Variants in GRIP1 observed in about 807,000 individuals in gnomAD.
GRIP1 encodes the protein glutamate receptor-interacting protein 1.
Under a neutral mutation model 129.9 loss-of-function variants are expected in GRIP1, and 45 were observed. The ratio of observed to expected loss-of-function variants is 0.35; its 90% CI spans 0.27 to 0.44. GRIP1 has a LOEUF of 0.44. GRIP1 is among the 20% of genes least tolerant of loss of function. The pLI, the probability that GRIP1 is intolerant of heterozygous loss-of-function variation, is 1.00. For synonymous variants in GRIP1, 530 were observed against 520.8 expected (o/e 1.02, Z -0.24); for missense variants, 1,196 against 1,396.8 (o/e 0.86, Z 2.29).
Position 66,640,281 on chromosome 12 carries a change from A to C in GRIP1, c.55+38569T>G, listed in dbSNP as rs1338959144. On this transcript the variant is annotated intron_variant, in intron 1 of 24. Coordinates refer to ENST00000359742, the MANE Select transcript of GRIP1 (RefSeq NM_001366722.1). Reference sequence around the variant, plus strand: ...CAGAATAGATACCAGGCCTGACTCTATCCCTCTAATTCCAAGCACATTACT... The same window carrying C: ...CAGAATAGATACCAGGCCTGACTCTCTCCCTCTAATTCCAAGCACATTACT... Among the ~76,000 whole-genome samples, 6 of 152,340 alleles carry C rather than the reference A, an allele frequency of 3.9e-5. No homozygotes were observed. The East Asian group carries it at 9.6e-4, about 24-fold the overall frequency.
intron 2 of GRIP1, among the ~76,000 whole-genome samples, chr12:66,576,702 AT>A (rs2063149803): frequency 6.6e-6 from 1 of 152,222 alleles, no homozygotes; most frequent in Non-Finnish European, 1.5e-5. Flanking sequence ...TACATAACAG[AT>A]GCTCACTAGT....
chr12:66,501,590 C>T (rs1304017824), intron 7 of GRIP1, among the ~76,000 whole-genome samples: 5 of 152,168 alleles, frequency 3.3e-5, no homozygotes, highest in Admixed American at 3.3e-4. Context: ...GCCTGCTACT[C>T]TTCTCAAAAG....
At chr12:66,555,770 A>G (rs1049147161) in intron 2 of GRIP1, among the ~76,000 whole-genome samples, 4 of 152,068 alleles carry the variant, frequency 2.6e-5, no homozygotes, top group Admixed American at 6.5e-5. Context: ...AAAACATGCA[A>G]TTGACGTACT....
chr12:66,764,431 A>G (rs1309607608), intron 1 of GRIP1, among the ~76,000 whole-genome samples: 3 of 152,226 alleles, frequency 2.0e-5, no homozygotes, highest in Non-Finnish European at 4.4e-5. Flanking sequence ...GATGTTTTCC[A>G]TAAGAGAAAG....
rs545121208 is a variant in GRIP1 at position 66,707,803 on chromosome 12, C to T, written c.-419-77467G>A. On this transcript the variant is annotated intron_variant, in intron 1 of 4. Coordinates refer to the GRIP1 transcript ENST00000538373. ...CCCATCTTTTGCTAGAACAAGGTCC[C>T]ATCAGTTTTAAAATGTTACATGTTA... Among the ~76,000 whole-genome samples the T allele has an allele frequency of 1.2e-4, 18 of 152,006 alleles. 1 individual carries two copies. The South Asian group carries it at 3.7e-3, about 32-fold the overall frequency.
intron 7 of GRIP1, among the ~76,000 whole-genome samples, chr12:66,465,787 C>A (rs1462452500): frequency 6.6e-6 from 1 of 151,746 alleles, no homozygotes; most frequent in Non-Finnish European, 1.5e-5. Context: ...TTACTTAATT[C>A]AATAAATATC....
At chr12:66,587,134 T>C (rs11176292) in intron 2 of GRIP1, among the ~76,000 whole-genome samples, 34,648 of 152,134 alleles carry the variant, frequency 0.23, 4,222 homozygotes, top group Admixed American at 0.27. Context: ...CCTCTCTCTT[T>C]TCTTGTTTCT....
At chr12:66,385,126 G>C (rs938770998) in intron 19 of GRIP1, among the ~76,000 whole-genome samples, 1 of 152,212 alleles carries the variant, frequency 6.6e-6, no homozygotes. Context: ...GTTGTTGAAT[G>C]ATGGTGTAAG....
At chr12:66,907,729 T>TA (rs571378192) in intron 1 of GRIP1, among the ~76,000 whole-genome samples, 186 of 151,982 alleles carry the variant, frequency 1.2e-3, no homozygotes, top group African/African-American at 4.1e-3. Flanking sequence ...CTACATGAGG[T>TA]TGGAAATATG....
chr12:66,471,072 G>A (rs949809465), intron 7 of GRIP1, among the ~76,000 whole-genome samples: 1 of 152,208 alleles, frequency 6.6e-6, no homozygotes, highest in Non-Finnish European at 1.5e-5. Flanking sequence ...GAAGCCAGAA[G>A]GCTTGAGAGC....
chr12:66,830,569 C>T (rs1283781117), intron 1 of GRIP1, among the ~76,000 whole-genome samples: 2 of 152,118 alleles, frequency 1.3e-5, no homozygotes, highest in African/African-American at 2.4e-5. Context: ...TTGATTTTGG[C>T]ATGATGAAAC....
intron 2 of GRIP1, among the ~76,000 whole-genome samples, chr12:66,561,760 G>A (rs1345231318): frequency 6.6e-6 from 1 of 152,076 alleles, no homozygotes; most frequent in Non-Finnish European, 1.5e-5. Context: ...ACTTTAAGGT[G>A]CCAGCGATCG....
At chr12:66,676,190 G>A (rs958010021) in intron 1 of GRIP1, among the ~76,000 whole-genome samples, 4 of 152,112 alleles carry the variant, frequency 2.6e-5, no homozygotes, top group Non-Finnish European at 5.9e-5. Context: ...GTGCAAAAAT[G>A]TCAGTGTCTG....
intron 15 of GRIP1, among the ~76,000 whole-genome samples, chr12:66,419,551 T>A (rs1469378832): frequency 6.6e-6 from 1 of 152,166 alleles, no homozygotes; most frequent in Non-Finnish European, 1.5e-5. Context: ...TCAAAATATC[T>A]CTTGTATCCC....
At chr12:66,374,988 C>T (rs546995707) in intron 22 of GRIP1, among the ~76,000 whole-genome samples, 1 of 152,180 alleles carries the variant, frequency 6.6e-6, no homozygotes, top group African/African-American at 2.4e-5. Context: ...TTTCATTTGC[C>T]ATAATTCATG....
At chr12:66,684,707 T>A (rs1042406314) in intron 1 of GRIP1, among the ~76,000 whole-genome samples, 1 of 152,054 alleles carries the variant, frequency 6.6e-6, no homozygotes, top group African/African-American at 2.4e-5. Context: ...TAGCCAGGCG[T>A]GGTGGTGCAC....
intron 1 of GRIP1, among the ~76,000 whole-genome samples, chr12:66,607,774 T>C (rs569313120): frequency 6.6e-6 from 1 of 152,240 alleles, no homozygotes; most frequent in East Asian, 1.9e-4. Context: ...AGGCATGAAT[T>C]TTTTGCTAGA....
At chr12:66,975,199 T>A (rs752209074) in intron 1 of GRIP1, among the ~76,000 whole-genome samples, 8 of 152,108 alleles carry the variant, frequency 5.3e-5, no homozygotes, top group Non-Finnish European at 1.0e-4. Flanking sequence ...CACATCACAA[T>A]GAAAACACCT....
intron 11 of GRIP1, among the ~76,000 whole-genome samples, 184 bp downstream of exon 11, chr12:66,455,225 T>C (rs1223038011): frequency 1.3e-5 from 2 of 152,292 alleles, no homozygotes; most frequent in South Asian, 2.1e-4. Flanking sequence ...TGGGGTGCAG[T>C]CATTGCCAAA....
Sources: allele counts gnomAD v4.1 joint callset (sites outside exome capture counted in the v4.1 genomes callset), GRCh38; gene constraint gnomAD v4.1.1; transcripts MANE v1.5; gene names NCBI Gene and HGNC (gene_info 2026-07-23, HGNC 2026-07-21).